Variants in CHN2 observed in about 807,000 individuals in gnomAD.
The protein encoded by CHN2 is beta-chimaerin.
A neutral mutation model predicts 56.3 loss-of-function variants in CHN2; 35 were observed. The observed-to-expected ratio is 0.62, with a 90% CI of 0.47 to 0.82. The LOEUF is 0.82. CHN2 is among the 40% of genes least tolerant of loss of function. CHN2 has a pLI of 0.00. For missense variants in CHN2, 491 were observed against 580.5 expected (o/e 0.85, Z 1.58); for synonymous variants, 210 against 212.8 (o/e 0.99, Z 0.12).
intron 3 of CHN2, among the ~76,000 whole-genome samples, chr7:29,388,246 T>C (rs1801084086): frequency 6.6e-6 from 1 of 152,178 alleles, no homozygotes; most frequent in South Asian, 2.1e-4. Flanking sequence ...AATAGGTGAA[T>C]GATGAAGACA....
chr7:29,345,795 C>T (rs1273211779), intron 1 of CHN2, among the ~76,000 whole-genome samples: 2 of 152,078 alleles, frequency 1.3e-5, no homozygotes, highest in Non-Finnish European at 2.9e-5. Flanking sequence ...CCATGTGGCC[C>T]CGGTGCCCTC....
intron 1 of CHN2, 137 bp downstream of exon 1, chr7:29,195,127 A>T: frequency 1.1e-6 from 1 of 882,672 alleles, no homozygotes; most frequent in Non-Finnish European, 1.6e-6. Context: ...GTCCGGGGTG[A>T]TACTTGTTTG....
intron 6 of CHN2, among the ~76,000 whole-genome samples, chr7:29,458,612 C>A (rs1272361084): frequency 6.6e-6 from 1 of 152,146 alleles, no homozygotes; most frequent in Non-Finnish European, 1.5e-5. Context: ...TAGCTAAGTC[C>A]TCACTTTAGA....
At chr7:29,161,323 A>G (rs1234094194) in intron 2 of CHN2, among the ~76,000 whole-genome samples, 3 of 152,278 alleles carry the variant, frequency 2.0e-5, no homozygotes, top group Admixed American at 2.0e-4. Context: ...AACACTCCCT[A>G]TAGCACATCT....
intron 1 of CHN2, among the ~76,000 whole-genome samples, chr7:29,347,209 C>G (rs753513942): frequency 6.6e-5 from 10 of 152,086 alleles, no homozygotes; most frequent in Non-Finnish European, 1.3e-4. Flanking sequence ...TTCAATTGAC[C>G]TAACTTATTT....
chr7:29,401,605 T>C (rs1562578381), intron 6 of CHN2, among the ~76,000 whole-genome samples: 1 of 152,104 alleles, frequency 6.6e-6, no homozygotes, highest in Non-Finnish European at 1.5e-5. Flanking sequence ...GATAACAGGT[T>C]TCACTGACAG....
At chr7:29,148,784 G>T (rs1448701717) in intron 2 of CHN2, 1 of 152,312 alleles carries the variant, frequency 6.6e-6, no homozygotes, top group Non-Finnish European at 1.5e-5. Flanking sequence ...TTGTGGGGAA[G>T]GGATGAAGGG....
intron 3 of CHN2, among the ~76,000 whole-genome samples, chr7:29,388,173 G>A (rs1320534779): frequency 6.6e-6 from 1 of 152,220 alleles, no homozygotes; most frequent in African/African-American, 2.4e-5. Flanking sequence ...AGGAATGGGT[G>A]AGACTCAGAT....
At chr7:29,287,361 G>A (rs1014253884) in intron 1 of CHN2, among the ~76,000 whole-genome samples, 2 of 152,152 alleles carry the variant, frequency 1.3e-5, no homozygotes, top group Non-Finnish European at 2.9e-5. Flanking sequence ...GGGGCATGAG[G>A]GGGAAGTGAC....
At chr7:29,295,768 C>T (rs1435930781) in intron 1 of CHN2, among the ~76,000 whole-genome samples, 1 of 152,166 alleles carries the variant, frequency 6.6e-6, no homozygotes, top group Non-Finnish European at 1.5e-5. Flanking sequence ...CTTTTGGGGG[C>T]TCTAAGTGAG....
chr7:29,306,862 C>G lies in CHN2; in HGVS notation c.50-47763C>G, dbSNP rs751048163. ...GGTGATTTGCATTCTGCAGAATTGC[C>G]AGATTCCTGTCCTCTAACACAATAA... On this transcript the variant is annotated intron_variant, in intron 1 of 12. Transcript: ENST00000222792. 7.9e-4 allele frequency among the ~76,000 whole-genome samples: 121 copies of G among 152,308 alleles called. 1 individual carries two copies. The highest frequency in any genetic ancestry group is 3.4e-3 in the Middle Eastern group (1 of 294).
chr7:29,325,735 G>A (rs915474367), intron 1 of CHN2, among the ~76,000 whole-genome samples: 4 of 152,192 alleles, frequency 2.6e-5, no homozygotes, highest in Admixed American at 1.3e-4. Context: ...CTCACTTACG[G>A]CTGGTCTGAA....
intron 1 of CHN2, among the ~76,000 whole-genome samples, chr7:29,281,696 A>G (rs1302492534): frequency 6.6e-6 from 1 of 151,966 alleles, no homozygotes; most frequent in Non-Finnish European, 1.5e-5. Context: ...TCTCCCCTAC[A>G]CAGTAGCTCT....
chr7:29,485,031 A>C (rs1787801484), intron 7 of CHN2, among the ~76,000 whole-genome samples: 4 of 152,052 alleles, frequency 2.6e-5, no homozygotes, highest in Non-Finnish European at 5.9e-5. Context: ...AAAGTGGTGA[A>C]ACTTAGTTAT....
At chr7:29,511,907 C>G (rs781655813) in intron 12 of CHN2, among the ~76,000 whole-genome samples, 7 of 152,144 alleles carry the variant, frequency 4.6e-5, no homozygotes, top group Non-Finnish European at 1.0e-4. Flanking sequence ...CTTAAAGGCT[C>G]TGCAGTTCTT....
Position 29,417,459 on chromosome 7 carries a change from C to T in CHN2, c.576+16631C>T, listed in dbSNP as rs556996618. 5.9e-3 allele frequency among the ~76,000 whole-genome samples: 891 copies of T among 151,980 alleles called. 9 individuals are homozygous for T. The highest frequency in any genetic ancestry group is 0.02 in the African/African-American group (837 of 41,436). On this transcript the variant is annotated intron_variant, in intron 6 of 12. Coordinates refer to ENST00000222792, the MANE Select transcript of CHN2 (RefSeq NM_004067.4). ...CACGCCATTCTCCTGCCTCAGCCTC[C>T]CGAGTAGCTAGGACTACAGGCGCCC...
At chr7:29,318,074 C>T (rs1424481137) in intron 1 of CHN2, among the ~76,000 whole-genome samples, 1 of 152,190 alleles carries the variant, frequency 6.6e-6, no homozygotes, top group Non-Finnish European at 1.5e-5. Flanking sequence ...AGTGTTAGCC[C>T]TGGGTCCATG....
intron 6 of CHN2, among the ~76,000 whole-genome samples, chr7:29,444,734 T>C (rs1783912257): frequency 6.6e-6 from 1 of 152,022 alleles, no homozygotes; most frequent in Non-Finnish European, 1.5e-5. Context: ...ATGGGAGGAG[T>C]GGCTTGCATA....
intron 1 of CHN2, among the ~76,000 whole-genome samples, chr7:29,329,232 A>G (rs1796029002): frequency 6.6e-6 from 1 of 152,090 alleles, no homozygotes; most frequent in Non-Finnish European, 1.5e-5. Context: ...TTCTGTTTCT[A>G]CTGAGCTTGA....
Sources: gnomAD v4.1 joint callset for allele counts (sites outside exome capture counted in the v4.1 genomes callset) on GRCh38, gnomAD v4.1.1 for gene constraint, MANE v1.5 for transcripts, NCBI Gene and HGNC (gene_info 2026-07-23, HGNC 2026-07-21) for gene names.